LRP1B: variants seen among roughly 807,000 people sequenced by gnomAD.
LRP1B encodes low-density lipoprotein receptor-related protein 1B.
LRP1B carries 217 observed loss-of-function variants against 556.6 expected under a neutral mutation model. The ratio of observed to expected loss-of-function variants is 0.39; its 90% CI spans 0.35 to 0.44. LRP1B has a LOEUF of 0.44. LRP1B is among the 20% of genes least tolerant of loss of function. The pLI is 1.00. For synonymous variants in LRP1B, 2,047 were observed against 1,865.8 expected (o/e 1.10, Z -2.50); for missense variants, 5,053 against 5,620.8 (o/e 0.90, Z 3.23).
intron 2 of LRP1B, among the ~76,000 whole-genome samples, chr2:141,613,727 T>C (rs142015472): frequency 0.012 from 1,819 of 152,148 alleles, 41 homozygotes; most frequent in African/African-American, 0.041. Context: ...AATACACTAG[T>C]TTTGAAGAAA....
rs554793106 is a variant in LRP1B at position 141,018,452 on chromosome 2, T to C, written c.1970+1470A>G. Reference sequence around the variant, plus strand: ...TTGCCTTCAAAGAGCTTGAACTATGTAGATGCTATAGGTTTCTAATATAAT... The same window carrying C: ...TTGCCTTCAAAGAGCTTGAACTATGCAGATGCTATAGGTTTCTAATATAAT... On this transcript the variant is annotated intron_variant, in intron 12 of 90. Transcript: ENST00000389484. Among the ~76,000 whole-genome samples, 3 of 152,264 alleles carry C rather than the reference T, an allele frequency of 2.0e-5. No homozygotes were observed. In the South Asian group the frequency reaches 6.2e-4, roughly 32 times the overall value.
At chr2:140,428,472 T>G (rs1685762255) in intron 66 of LRP1B, among the ~76,000 whole-genome samples, 1 of 152,172 alleles carries the variant, frequency 6.6e-6, no homozygotes, top group East Asian at 1.9e-4. Flanking sequence ...GGATTCCTCC[T>G]AAGCCGCTTC....
rs532419336 is a variant in LRP1B, at chr2:141,511,400, T to C, written c.206-30867A>G. On this transcript the variant is annotated intron_variant, in intron 2 of 90. Coordinates refer to ENST00000389484, the MANE Select transcript of LRP1B (RefSeq NM_018557.3). ...TTTCACTTAATCACAATGCAAGGTATATATTTTTTTAGATTCATGTTTGAA... is the reference window on the plus strand; with the variant it reads ...TTTCACTTAATCACAATGCAAGGTACATATTTTTTTAGATTCATGTTTGAA... Among the ~76,000 whole-genome samples, 43 of 152,276 alleles carry C rather than the reference T, an allele frequency of 2.8e-4. 1 individual carries two copies. The South Asian group carries it at 8.7e-3, about 31-fold the overall frequency.
chr2:141,064,066 A>T (rs1445500742), intron 7 of LRP1B, among the ~76,000 whole-genome samples: 2 of 151,898 alleles, frequency 1.3e-5, no homozygotes, highest in African/African-American at 4.8e-5. Context: ...CCCTGACAAA[A>T]AAAGAGGCGT....
chr2:142,091,158 T>C (rs1212557171), intron 1 of LRP1B, among the ~76,000 whole-genome samples: 1 of 152,168 alleles, frequency 6.6e-6, no homozygotes, highest in Non-Finnish European at 1.5e-5. Context: ...ACTGCTCATC[T>C]TTAAAATGAA....
At chr2:141,538,093 G>C (rs1315441880) in intron 2 of LRP1B, among the ~76,000 whole-genome samples, 1 of 151,986 alleles carries the variant, frequency 6.6e-6, no homozygotes, top group Non-Finnish European at 1.5e-5. Flanking sequence ...TTGTTTCTAT[G>C]TCTACCAGAC....
chr2:140,469,780 C>T (rs142092901), intron 60 of LRP1B, among the ~76,000 whole-genome samples: 48 of 152,252 alleles, frequency 3.2e-4, no homozygotes, highest in African/African-American at 1.0e-3. Flanking sequence ...AGCAAGGGTG[C>T]TGTGTGAAAA....
intron 1 of LRP1B, among the ~76,000 whole-genome samples, chr2:141,997,591 T>G (rs1320108318): frequency 6.7e-6 from 1 of 150,256 alleles, no homozygotes; most frequent in Non-Finnish European, 1.5e-5. Context: ...CAAGCAATTC[T>G]CCCATCTCAA....
rs1684009709 is a variant in LRP1B at position 141,508,437 on chromosome 2, T to C, written c.206-27904A>G. ...TGGTTGACACTTTTCCAGAACTTGTTTAATTCATTTATCAGAAGTTAGCTT... is the reference window on the plus strand; with the variant it reads ...TGGTTGACACTTTTCCAGAACTTGTCTAATTCATTTATCAGAAGTTAGCTT... On this transcript the variant is annotated intron_variant, in intron 2 of 90. Transcript: ENST00000389484. Among the ~76,000 whole-genome samples the C allele has an allele frequency of 3.3e-5, 5 of 152,312 alleles. 1 individual carries two copies. In the South Asian group the frequency reaches 1.0e-3, roughly 32 times the overall value.
chr2:141,608,885 G>T (rs192491474), intron 2 of LRP1B, among the ~76,000 whole-genome samples: 6 of 152,018 alleles, frequency 3.9e-5, no homozygotes, highest in Admixed American at 6.6e-5. Context: ...CAAAATAAAC[G>T]TTGGCTGATA....
At chr2:140,761,212 T>C (rs1383129362) in intron 35 of LRP1B, among the ~76,000 whole-genome samples, 1 of 152,204 alleles carries the variant, frequency 6.6e-6, no homozygotes, top group Non-Finnish European at 1.5e-5. Flanking sequence ...AATAATTCAT[T>C]ATCACATAGT....
intron 25 of LRP1B, among the ~76,000 whole-genome samples, chr2:140,874,723 T>G (rs1456564014): frequency 6.6e-6 from 1 of 151,874 alleles, no homozygotes; most frequent in African/African-American, 2.4e-5. Context: ...CTCCTGGGTC[T>G]AAAAAGGACA....
intron 3 of LRP1B, among the ~76,000 whole-genome samples, chr2:141,395,871 C>A (rs543552408): frequency 6.6e-6 from 1 of 152,080 alleles, no homozygotes; most frequent in African/African-American, 2.4e-5. Flanking sequence ...AAAGCGATAA[C>A]GTTTGTAGAG....
chr2:140,856,994 A>C (rs1692639470), intron 27 of LRP1B, among the ~76,000 whole-genome samples: 1 of 152,214 alleles, frequency 6.6e-6, no homozygotes, highest in African/African-American at 2.4e-5. Context: ...GAAATGTGTT[A>C]ATTGTGCAAT....
intron 1 of LRP1B, among the ~76,000 whole-genome samples, chr2:141,832,146 C>T (rs1450340667): frequency 2.0e-5 from 3 of 151,600 alleles, no homozygotes; most frequent in Non-Finnish European, 4.4e-5. Context: ...GCTGAGAATA[C>T]AGTTGGAATG....
At chr2:141,757,402 A>G (rs995368096) in intron 2 of LRP1B, among the ~76,000 whole-genome samples, 1 of 152,184 alleles carries the variant, frequency 6.6e-6, no homozygotes, top group African/African-American at 2.4e-5. Flanking sequence ...CTGAATCAGA[A>G]TCTGCATTTT....
chr2:141,784,663 A>G (rs766835721), intron 2 of LRP1B, among the ~76,000 whole-genome samples: 3 of 151,940 alleles, frequency 2.0e-5, no homozygotes, highest in Non-Finnish European at 2.9e-5. Flanking sequence ...TGATTGTTCA[A>G]TTTGTCACCC....
intron 3 of LRP1B, among the ~76,000 whole-genome samples, chr2:141,414,109 T>A (rs372742571): frequency 1.3e-5 from 2 of 150,172 alleles, no homozygotes; most frequent in East Asian, 2.0e-4. Flanking sequence ...TGGTGGCGGG[T>A]GCCTGTAGTC....
intron 1 of LRP1B, among the ~76,000 whole-genome samples, chr2:142,111,280 G>A (rs1248438100): frequency 6.6e-6 from 1 of 152,002 alleles, no homozygotes; most frequent in African/African-American, 2.4e-5. Flanking sequence ...AAAGGTTCAG[G>A]GAGATTGTGT....
Sources: allele counts gnomAD v4.1 joint callset (sites outside exome capture counted in the v4.1 genomes callset), GRCh38; gene constraint gnomAD v4.1.1; transcripts MANE v1.5; gene names NCBI Gene and HGNC (gene_info 2026-07-23, HGNC 2026-07-21).